Variants in VAT1L observed in about 807,000 individuals in gnomAD.
VAT1L encodes the protein vesicle amine transport 1 like.
VAT1L carries 34 observed loss-of-function variants against 44.1 expected under a neutral mutation model. That is an observed-to-expected ratio of 0.77 (90% CI 0.59 to 1.03). VAT1L has a LOEUF of 1.03. Ranked by LOEUF, VAT1L falls within the 50% of genes least tolerant of loss-of-function variation. The probability of loss-of-function intolerance (pLI) is 0.00; values close to 1 mark genes in which losing one functional copy is unlikely to be tolerated. For missense variants in VAT1L, 615 were observed against 538.8 expected, an observed-to-expected ratio of 1.14 and a Z score of -1.40; for synonymous variants, 253 against 202.2, an observed-to-expected ratio of 1.25 and a Z score of -2.13.
chr16:77,953,755 C>G (rs1395561227), intron 7 of VAT1L, among the ~76,000 whole-genome samples: 1 of 152,100 alleles, frequency 6.6e-6, no homozygotes, highest in Non-Finnish European at 1.5e-5. Context: ...CTCGACCTCC[C>G]AAAGTGTTGA....
chr16:77,824,493 C>T (rs989794557), intron 2 of VAT1L, among the ~76,000 whole-genome samples: 3 of 152,006 alleles, frequency 2.0e-5, no homozygotes, highest in Admixed American at 2.0e-4. Context: ...CGGTGGCTCA[C>T]GCCTGTAATC....
At chr16:77,915,534 G>T (rs949690013) in intron 7 of VAT1L, among the ~76,000 whole-genome samples, 2 of 151,614 alleles carry the variant, frequency 1.3e-5, no homozygotes, top group African/African-American at 4.9e-5. Flanking sequence ...CTGTGAGTTG[G>T]TCTACCTATT....
At position 77,884,537 on chromosome 16, in the gene VAT1L, C is replaced by G. The variant is rs976057360; in HGVS notation, c.883-71C>G. The G allele has an allele frequency of 6.7e-7, 1 of 1,489,672 alleles. No homozygotes were observed. Among genetic ancestry groups the G allele is most frequent in the Non-Finnish European group, 9.1e-7 (1 of 1,097,200 alleles). 92.3% of individuals were successfully genotyped at this position (1,489,672 alleles called of 1,614,324 possible). Reference sequence around the variant, plus strand: ...TTCCCCCTGTAGTAGCTGATGACATCAGCAATGCTGCCAATGTAGGCTTAA... The same window carrying G: ...TTCCCCCTGTAGTAGCTGATGACATGAGCAATGCTGCCAATGTAGGCTTAA... On this transcript the variant is annotated intron_variant, in intron 6 of 8. Coordinates refer to ENST00000302536, the MANE Select transcript of VAT1L (RefSeq NM_020927.3). The surrounding 1 kb of genome is among the most constrained non-coding windows in gnomAD (Gnocchi z 4.5).
At chr16:77,803,551 C>G (rs1201458429) in intron 1 of VAT1L, among the ~76,000 whole-genome samples, 1 of 151,328 alleles carries the variant, frequency 6.6e-6, no homozygotes, top group Non-Finnish European at 1.5e-5. Context: ...TCCAGAGTAG[C>G]TGGGACTACA....
intron 7 of VAT1L, among the ~76,000 whole-genome samples, chr16:77,968,046 T>C (rs1467307722): frequency 2.6e-5 from 4 of 152,304 alleles, no homozygotes; most frequent in African/African-American, 9.6e-5. Flanking sequence ...TGGGGATATA[T>C]TTTGCAAGGT....
At chr16:77,955,437 G>C (rs2018091892) in intron 7 of VAT1L, among the ~76,000 whole-genome samples, 1 of 152,156 alleles carries the variant, frequency 6.6e-6, no homozygotes, top group African/African-American at 2.4e-5. Context: ...CTTCAACAGA[G>C]AATGGGGCCG....
chr16:77,975,194 CTT>C (rs35017686), intron 8 of VAT1L, among the ~76,000 whole-genome samples: 808 of 39,664 alleles, frequency 0.02, 12 homozygotes, highest in Middle Eastern at 0.026. Context: ...GGAATGACCA[CTT>C]TTTTTTTTTT....
chr16:77,829,308 G>C (rs1161094262), intron 3 of VAT1L, among the ~76,000 whole-genome samples: 1 of 152,194 alleles, frequency 6.6e-6, no homozygotes, highest in Non-Finnish European at 1.5e-5. Context: ...CCTAGTAATA[G>C]CTGGGGCAAA....
Position 77,903,464 on chromosome 16 carries a change from A to G in VAT1L, c.1077+18662A>G, listed in dbSNP as rs896863263. Among the ~76,000 whole-genome samples the G allele has an allele frequency of 5.3e-5, 8 of 152,280 alleles. No homozygotes were observed. In the East Asian group the frequency reaches 1.4e-3, roughly 26 times the overall value. On this transcript the variant is annotated intron_variant, in intron 7 of 8. Coordinates refer to ENST00000302536, the MANE Select transcript of VAT1L (RefSeq NM_020927.3). ...GTGAAAATTAATATACATAACACCT[A>G]TAATAGATACTAAAAATAATAATAG...
intron 7 of VAT1L, among the ~76,000 whole-genome samples, chr16:77,904,198 T>TTTC (rs1244104679): frequency 1.3e-5 from 2 of 152,088 alleles, no homozygotes; most frequent in Non-Finnish European, 2.9e-5. Context: ...TTTTTTTTTT[T>TTTC]TTCCATTAAA....
Position 77,788,929 on chromosome 16 carries a change from G to C in VAT1L, c.233+14G>C. The C allele has an allele frequency of 6.8e-7, 1 of 1,462,118 alleles. No individual in the cohort carries two copies. Among genetic ancestry groups the C allele is most frequent in the Non-Finnish European group, 9.0e-7 (1 of 1,107,924 alleles). The allele number at this position is 1,462,118 out of a possible 1,614,324, so 90.6% of individuals were successfully genotyped here. On this transcript the variant is annotated intron_variant, in intron 1 of 8. Coordinates refer to ENST00000302536, the MANE Select transcript of VAT1L (RefSeq NM_020927.3). The stretch of plus-strand genomic sequence containing the variant: ...CGTCAAAGCCTGGTCCAGTATCCGC[G>C]CCTTTCTCGCTTTCTCTCTTTTTGC...
intron 3 of VAT1L, among the ~76,000 whole-genome samples, chr16:77,834,782 T>A (rs529333416): frequency 6.6e-6 from 1 of 152,324 alleles, no homozygotes; most frequent in Admixed American, 6.5e-5. Context: ...TGCATCCTCC[T>A]CATCCCTTCA....
intron 7 of VAT1L, among the ~76,000 whole-genome samples, chr16:77,953,866 C>A (rs1263207210): frequency 6.6e-6 from 1 of 152,156 alleles, no homozygotes; most frequent in Non-Finnish European, 1.5e-5. Flanking sequence ...CCTGATGTTT[C>A]CTTCCTTGAA....
intron 7 of VAT1L, among the ~76,000 whole-genome samples, chr16:77,911,516 A>G (rs1257752614): frequency 1.3e-5 from 2 of 152,190 alleles, no homozygotes; most frequent in Non-Finnish European, 2.9e-5. Context: ...TACAAGGCCA[A>G]GAGGATATAG....
At chr16:77,975,484 T>G (rs2018329105) in intron 8 of VAT1L, among the ~76,000 whole-genome samples, 1 of 152,128 alleles carries the variant, frequency 6.6e-6, no homozygotes, top group Non-Finnish European at 1.5e-5. Context: ...TGTGCTGGGA[T>G]TACAGGCGTG....
chr16:77,791,108 G>A (rs953563202), intron 1 of VAT1L, among the ~76,000 whole-genome samples: 3 of 152,188 alleles, frequency 2.0e-5, no homozygotes, highest in Non-Finnish European at 2.9e-5. Flanking sequence ...GATTGTAATA[G>A]GCTTGTAAAT....
intron 7 of VAT1L, among the ~76,000 whole-genome samples, chr16:77,939,009 C>A (rs1425404092): frequency 1.3e-5 from 2 of 152,088 alleles, no homozygotes; most frequent in East Asian, 3.9e-4. Flanking sequence ...TTAAACCTTT[C>A]CTGCCTGCAT....
At chr16:77,888,520 A>C (rs1188830514) in intron 7 of VAT1L, among the ~76,000 whole-genome samples, 1 of 152,250 alleles carries the variant, frequency 6.6e-6, no homozygotes, top group Admixed American at 6.5e-5. Flanking sequence ...GTATAATTTT[A>C]AAAGATTATG....
chr16:77,944,819 C>G (rs1212793109), intron 7 of VAT1L, among the ~76,000 whole-genome samples: 2 of 152,102 alleles, frequency 1.3e-5, no homozygotes, highest in Non-Finnish European at 2.9e-5. Flanking sequence ...TGTCTCTTCT[C>G]TGTGCCAAGA....
Sources: allele counts gnomAD v4.1 joint callset (sites outside exome capture counted in the v4.1 genomes callset), GRCh38; gene constraint gnomAD v4.1.1; non-coding constraint Gnocchi (gnomAD v3.1); transcripts MANE v1.5; gene names NCBI Gene and HGNC (gene_info 2026-07-23, HGNC 2026-07-21).